The following GSPT1 variants were observed in gnomAD, a reference collection of about 807,000 sequenced individuals.
GSPT1 encodes eukaryotic peptide chain release factor GTP-binding subunit ERF3A.
In GSPT1, 20 loss-of-function variants were observed where a neutral mutation model predicts 72.5. The observed-to-expected ratio is 0.28, with a 90% confidence interval of 0.19 to 0.40. The LOEUF is 0.40. Ranked by LOEUF, GSPT1 falls within the 10% of genes least tolerant of loss-of-function variation. GSPT1 has a pLI of 1.00. For synonymous variants in GSPT1, 334 were observed against 293.5 expected (o/e 1.14, Z -1.41); for missense variants, 580 against 811.9 (o/e 0.71, Z 3.47).
chr16:11,886,460 C>A lies in GSPT1; in HGVS notation c.1253+11G>T. On this transcript the variant is annotated intron_variant, in intron 9 of 14. Transcript: ENST00000434724. ...TTTCCTTTTTAAAAAAAGGAAAAAA[C>A]AGTTACTTACATGTACCAAGGACAG... The A allele has an allele frequency of 6.3e-7, 1 of 1,587,150 alleles. No homozygotes were observed. The highest frequency in any genetic ancestry group is 8.6e-7 in the Non-Finnish European group (1 of 1,165,866).
intron 1 of GSPT1, among the ~76,000 whole-genome samples, chr16:11,903,538 T>C (rs1485655747): frequency 6.6e-6 from 1 of 151,664 alleles, no homozygotes. Context: ...AAAATAAAAA[T>C]TAGCTGGGTG....
At chr16:11,914,414 G>A (rs1047505910) in intron 1 of GSPT1, among the ~76,000 whole-genome samples, 2 of 152,168 alleles carry the variant, frequency 1.3e-5, no homozygotes, top group African/African-American at 4.8e-5. Context: ...AGTACGGGAA[G>A]ATGTTTAAAA....
At chr16:11,886,207 A>G (rs1445520279) in intron 9 of GSPT1, among the ~76,000 whole-genome samples, 1 of 152,184 alleles carries the variant, frequency 6.6e-6, no homozygotes, top group Non-Finnish European at 1.5e-5. Context: ...ACTTGCTATA[A>G]TCATATTGTA....
chr16:11,879,604 G>A (rs1302893911), intron 11 of GSPT1, among the ~76,000 whole-genome samples: 4 of 151,582 alleles, frequency 2.6e-5, no homozygotes, highest in South Asian at 2.1e-4. Flanking sequence ...ATGGTGGCAC[G>A]TTCCTGTAAT....
chr16:11,883,503 C>T (rs1331754887), intron 10 of GSPT1, among the ~76,000 whole-genome samples: 1 of 144,046 alleles, frequency 6.9e-6, no homozygotes, highest in Non-Finnish European at 1.5e-5. Context: ...GCCTGTAATC[C>T]CAGCTACTCC....
intron 6 of GSPT1, among the ~76,000 whole-genome samples, chr16:11,889,329 CTTTTTTTTT>C (rs902991145): frequency 3.3e-4 from 20 of 60,074 alleles, no homozygotes; most frequent in Middle Eastern, 0.014. Flanking sequence ...CCCTCTTCTT[CTTTTTTTTT>C]TTTTTTTTTT....
At position 11,915,449 on chromosome 16, in the gene GSPT1, C is replaced by A. The variant is rs1226873536; in HGVS notation, c.272G>T (p.Arg91Leu). 7 of 1,541,172 alleles carry A rather than the reference C, an allele frequency of 4.5e-6. No individual in the cohort carries two copies. The African/African-American group carries it at 1.0e-4, about 22-fold the overall frequency. ...HAAEFVPSFLRGPAAPPPPVG... is the reference protein window; with the variant it reads ...HAAEFVPSFLLGPAAPPPPVG... ...TGGGGGTGGCGGCGCTGCCGGGCCC[C>A]GCAGGAAGGACGGCACGAACTCGGC... The change falls in exon 1 of 15, where the codon CGG becomes CTG. Residue 91 changes from arginine (R) to leucine (L), a missense_variant. Physicochemically the swap from Arg to Leu is moderately radical, Grantham distance 102. Coordinates refer to ENST00000434724, the MANE Select transcript of GSPT1 (RefSeq NM_002094.4).
upstream of GSPT1, chr16:11,916,031 G>T: frequency 1.5e-6 from 1 of 645,622 alleles, no homozygotes; most frequent in Non-Finnish European, 2.9e-6. Context: ...ACCCCTCGCC[G>T]CCACCCGTAC....
intron 1 of GSPT1, among the ~76,000 whole-genome samples, chr16:11,912,046 T>TAAA (rs371293585): frequency 6.2e-5 from 7 of 113,194 alleles, no homozygotes; most frequent in African/African-American, 1.3e-4. Context: ...GTCAATCATT[T>TAAA]AAAAAAAAAA....
In GSPT1 at chr16:11,869,495, G is replaced by GAT. The variant is rs1567429994; in HGVS notation, c.*3622_*3623dup. Reference sequence around the variant, plus strand: ...TGTGAAAGGATTAATGGCACAGTTTGATAAGGTAAGCCAACAATGAATATA... The same window carrying GAT: ...TGTGAAAGGATTAATGGCACAGTTTGATATAAGGTAAGCCAACAATGAATATA... On this transcript the variant is annotated 3_prime_UTR_variant, in exon 15 of 15. Transcript: ENST00000434724. 2 of 152,210 alleles carry GAT rather than the reference G, an allele frequency of 1.3e-5. No homozygotes were observed. The highest frequency in any genetic ancestry group is 2.9e-5 in the Non-Finnish European group (2 of 68,046). 9.4% of individuals were successfully genotyped at this position (152,210 alleles called of 1,614,324 possible). A position where few individuals can be genotyped will look rare whatever the true frequency, so the allele number is the denominator to read the frequency against.
intron 1 of GSPT1, among the ~76,000 whole-genome samples, chr16:11,905,517 A>C (rs2054477783): frequency 6.6e-6 from 1 of 152,118 alleles, no homozygotes; most frequent in South Asian, 2.1e-4. Context: ...CTAGGACATG[A>C]CACCTCTTTA....
At chr16:11,898,089 C>G in intron 1 of GSPT1, 54 bp from the exon 2 acceptor site, 1 of 1,125,628 alleles carries the variant, frequency 8.9e-7, no homozygotes, top group African/African-American at 1.5e-5. Context: ...ATCCATTTCA[C>G]TTATCTTTTA....
chr16:11,882,991 G>A lies in GSPT1; in HGVS notation c.1428+24C>T, dbSNP rs752567581. Reference sequence around the variant, plus strand: ...AAGAAAAAAAATCAATAAATAGATAGGAAACAGCATAACCGATTCTTACCT... The same window carrying A: ...AAGAAAAAAAATCAATAAATAGATAAGAAACAGCATAACCGATTCTTACCT... On this transcript the variant is annotated intron_variant, in intron 11 of 14. Transcript: ENST00000434724. 14 of 1,454,044 alleles carry A rather than the reference G, an allele frequency of 9.6e-6. No homozygotes were observed. The Admixed American group carries it at 1.3e-4, about 14-fold the overall frequency. The allele number at this position is 1,454,044 out of a possible 1,614,324, so 90.1% of individuals were successfully genotyped here.
intron 1 of GSPT1, chr16:11,914,899 C>G (rs1055001776): frequency 4.2e-6 from 3 of 720,712 alleles, no homozygotes; most frequent in Non-Finnish European, 6.3e-6. Flanking sequence ...GTAGAAAACG[C>G]AGCAGAAGAC....
At chr16:11,914,843 C>T in intron 1 of GSPT1, 2 of 399,532 alleles carry the variant, frequency 5.0e-6, no homozygotes, top group African/African-American at 2.1e-5. Flanking sequence ...TCCTTCAGGA[C>T]GGTTGGGGGC....
chr16:11,896,792 A>G lies in GSPT1; in HGVS notation c.437-7T>C, dbSNP rs1352316991. On this transcript the variant is annotated splice_polypyrimidine_tract_variant and splice_region_variant and intron_variant, in intron 3 of 14. Coordinates refer to ENST00000434724, the MANE Select transcript of GSPT1 (RefSeq NM_002094.4). ...TCTGTCTCTCCATTTTCTACTGAAG[A>G]AAGACATTTTAACTTAGTATTCTGA... 28 of 1,512,306 alleles carry G rather than the reference A, an allele frequency of 1.9e-5. No individual in the cohort carries two copies. The highest frequency in any genetic ancestry group is 2.4e-5 in the Non-Finnish European group (27 of 1,105,676). 93.7% of individuals were successfully genotyped at this position (1,512,306 alleles called of 1,614,324 possible).
At chr16:11,879,761 CAA>C (rs2054098756) in intron 11 of GSPT1, among the ~76,000 whole-genome samples, 4 of 143,860 alleles carry the variant, frequency 2.8e-5, no homozygotes, top group Admixed American at 6.9e-5. Flanking sequence ...AAAAACAAAA[CAA>C]AAAACAAAAA....
intron 11 of GSPT1, among the ~76,000 whole-genome samples, chr16:11,879,551 G>A (rs2054094161): frequency 6.6e-6 from 1 of 151,880 alleles, no homozygotes; most frequent in South Asian, 2.1e-4. Context: ...TGGCCAACAC[G>A]GTGAAATCCT....
intron 11 of GSPT1, chr16:11,881,264 T>A (rs2054119161): frequency 6.6e-6 from 1 of 152,100 alleles, no homozygotes; most frequent in Non-Finnish European, 1.5e-5. Flanking sequence ...CTGAAGTGAG[T>A]TTTTGAGGCT....
Sources: allele counts gnomAD v4.1 joint callset (sites outside exome capture counted in the v4.1 genomes callset), GRCh38; gene constraint gnomAD v4.1.1; transcripts MANE v1.5; gene names NCBI Gene and HGNC (gene_info 2026-07-23, HGNC 2026-07-21).